The following ACSBG2 variants were observed in gnomAD, a reference collection of about 807,000 sequenced individuals.
ACSBG2 encodes acyl-CoA synthetase bubblegum family member 2, also known as long-chain-fatty-acid--CoA ligase ACSBG2.
In ACSBG2, 62 loss-of-function variants were observed where a neutral mutation model predicts 74.7. The ratio of observed to expected loss-of-function variants is 0.83; its 90% confidence interval spans 0.68 to 1.03. The LOEUF is 1.03. ACSBG2 is among the 50% of genes least tolerant of loss of function. The pLI is 0.00. For synonymous variants in ACSBG2, 309 were observed against 294.1 expected (o/e 1.05, Z -0.52); for missense variants, 730 against 817.6 (o/e 0.89, Z 1.31).
chr19:6,185,430 T>G lies in ACSBG2; in HGVS notation c.1323-6T>G. ...AGCCTGTTTCTCTGCTTCTGTCCCC[T>G]GGCAGCTGTGGCAAGATCTTGACTG... On this transcript the variant is annotated splice_region_variant and splice_polypyrimidine_tract_variant and intron_variant, in intron 10 of 14. Transcript: ENST00000588485. 3 of 1,614,044 alleles carry G rather than the reference T, an allele frequency of 1.9e-6. No individual in the cohort carries two copies. Among genetic ancestry groups the G allele is most frequent in the Non-Finnish European group, 8.5e-7 (1 of 1,179,986 alleles).
chr19:6,190,790 AACAC>A (rs767980382), intron 14 of ACSBG2, 98 bp downstream of exon 14: 1 of 557,686 alleles, frequency 1.8e-6, no homozygotes, highest in Non-Finnish European at 3.2e-6. Flanking sequence ...AACTGCAGAA[AACAC>A]ACACATACAC....
At chr19:6,187,002 G>GT (rs1011907904) in intron 11 of ACSBG2, among the ~76,000 whole-genome samples, 6,620 of 130,662 alleles carry the variant, frequency 0.051, 437 homozygotes, top group African/African-American at 0.14. Flanking sequence ...TGGCCACTAG[G>GT]TTTTTTTTTT....
At chr19:6,186,347 A>G (rs1600134794) in intron 11 of ACSBG2, among the ~76,000 whole-genome samples, 1 of 152,210 alleles carries the variant, frequency 6.6e-6, no homozygotes, top group Non-Finnish European at 1.5e-5. Flanking sequence ...GCCAATATGA[A>G]TATCATAATT....
Position 6,138,630 on chromosome 19 carries a change from A to G in ACSBG2, c.-32+2721A>G, listed in dbSNP as rs1304647871. Among the ~76,000 whole-genome samples the G allele has an allele frequency of 5.5e-4, 13 of 23,628 alleles. 1 individual carries two copies. Among genetic ancestry groups the G allele is most frequent in the African/African-American group, 1.8e-3 (12 of 6,780 alleles). 15.5% of individuals were successfully genotyped at this position (23,628 alleles called of 152,430 possible). A position where few individuals can be genotyped will look rare whatever the true frequency, so the allele number is the denominator to read the frequency against. On this transcript the variant is annotated intron_variant, in intron 1 of 14. Coordinates refer to ENST00000588485, the MANE Select transcript of ACSBG2 (RefSeq NM_030924.5). ...GAAGGAAGGAAGGAAGGGGAGGAAG[A>G]AAGAAAGGAAGGGAAGGGAAGAAGG... is the stretch of plus-strand genomic sequence containing the variant.
intron 5 of ACSBG2, chr19:6,160,762 A>G (rs182727099): frequency 2.4e-4 from 38 of 155,808 alleles, no homozygotes; most frequent in Admixed American, 2.4e-3. Flanking sequence ...ATTTGGAGTC[A>G]GTCAAGACCA....
rs1366362005 is a variant in ACSBG2, at chr19:6,192,963, A to G, written c.*331A>G. 1.3e-5 allele frequency: 2 copies of G among 152,156 alleles called. No homozygotes were observed. The highest frequency in any genetic ancestry group is 1.9e-4 in the East Asian group (1 of 5,198). 9.4% of individuals were successfully genotyped at this position (152,156 alleles called of 1,614,324 possible). ...GCTCCCATTTGATTTTTTTCTCCTC[A>G]GGGGACTCAGACATTAGAAAGAAAA... On this transcript the variant is annotated 3_prime_UTR_variant, in exon 15 of 15. Coordinates refer to ENST00000588485, the MANE Select transcript of ACSBG2 (RefSeq NM_030924.5).
intron 2 of ACSBG2, among the ~76,000 whole-genome samples, chr19:6,145,281 C>T (rs112809316): frequency 0.03 from 4,595 of 151,936 alleles, 208 homozygotes; most frequent in African/African-American, 0.1. Flanking sequence ...CTGTAATCCC[C>T]GCTACTTGAG....
intron 6 of ACSBG2, 21 bp downstream of exon 6, chr19:6,161,316 C>T (rs763714692): frequency 1.2e-6 from 2 of 1,603,748 alleles, no homozygotes; most frequent in African/African-American, 2.7e-5. Context: ...GAGGTGGGCA[C>T]TGGGGAAAGG....
At chr19:6,143,161 C>T (rs906939242) in intron 2 of ACSBG2, among the ~76,000 whole-genome samples, 4 of 152,072 alleles carry the variant, frequency 2.6e-5, no homozygotes, top group Admixed American at 2.0e-4. Context: ...TCTCATGCCT[C>T]GGCCACCCAA....
intron 6 of ACSBG2, among the ~76,000 whole-genome samples, chr19:6,163,121 AAATAATAAT>A (rs71917482): frequency 0.024 from 2,948 of 122,810 alleles, 95 homozygotes; most frequent in African/African-American, 0.069. Context: ...CTAAAAATAC[AAATAATAAT>A]AATAATAATA....
intron 3 of ACSBG2, chr19:6,148,245 G>T (rs1168869829): frequency 2.6e-5 from 4 of 156,036 alleles, no homozygotes; most frequent in Non-Finnish European, 5.7e-5. Flanking sequence ...ATGACTGGTT[G>T]TTGGCAGGAA....
rs956578735 is a variant in ACSBG2 at position 6,150,267 on chromosome 19, G to A, written c.298-1440G>A. Among the ~76,000 whole-genome samples the A allele has an allele frequency of 4.8e-5, 7 of 144,700 alleles. No homozygotes were observed. In the South Asian group the frequency reaches 6.5e-4, roughly 13 times the overall value. 94.9% of individuals were successfully genotyped at this position (144,700 alleles called of 152,430 possible). A position where few individuals can be genotyped will look rare whatever the true frequency, so the allele number is the denominator to read the frequency against. ...TGCCGCCACTGTGGAAAAGTCTGGC[G>A]ATTTCTAAAAAAAGAAAAAATGTAA... is the stretch of plus-strand genomic sequence containing the variant. On this transcript the variant is annotated intron_variant, in intron 3 of 14. Coordinates refer to ENST00000588485, the MANE Select transcript of ACSBG2 (RefSeq NM_030924.5).
chr19:6,187,697 T>C lies in ACSBG2; in HGVS notation c.1779T>C (p.Thr593=). The change falls in exon 13 of 15, where the codon ACT becomes ACC. Residue 593 remains threonine (T), a synonymous_variant. Coordinates refer to ENST00000588485, the MANE Select transcript of ACSBG2 (RefSeq NM_030924.5). The part of the protein sequence containing the change: ...RGLGSQASTV[T]EIVKQQDPLV... ...TGGGCAGCCAGGCATCCACCGTGAC[T>C]GAGATTGTGAAGCAGCAAGACCCCC... is the stretch of plus-strand genomic sequence containing the variant. 1.9e-6 allele frequency: 3 copies of C among 1,613,568 alleles called. No individual in the cohort carries two copies. Among genetic ancestry groups the C allele is most frequent in the Non-Finnish European group, 2.5e-6 (3 of 1,179,810 alleles).
In ACSBG2 at chr19:6,177,346, C is replaced by T; in HGVS notation, c.856C>T (p.Pro286Ser). The change falls in exon 8 of 15, where the codon CCC (proline) becomes TCC (serine). Residue 286 changes from proline to serine, a missense_variant. Physicochemically the swap from Pro to Ser is moderately conservative, Grantham distance 74. Coordinates refer to ENST00000588485, the MANE Select transcript of ACSBG2 (RefSeq NM_030924.5). ...IAAQMMDIWV[P>S]IKIGALTYFA... is the part of the protein sequence containing the mutation. ...AGCACAGATGATGGACATCTGGGTA[C>T]CCATAAAGATTGGGGCGCTCACATA... 6.2e-7 allele frequency: 1 copy of T among 1,612,090 alleles called. No homozygotes were observed. The highest frequency in any genetic ancestry group is 8.5e-7 in the Non-Finnish European group (1 of 1,179,332).
intron 1 of ACSBG2, among the ~76,000 whole-genome samples, chr19:6,136,378 C>G (rs1050493741): frequency 5.9e-5 from 9 of 152,142 alleles, no homozygotes; most frequent in African/African-American, 2.2e-4. Flanking sequence ...AGGCGTGAGC[C>G]GCCATACTCG....
At chr19:6,152,577 A>G (rs1389578342) in intron 4 of ACSBG2, among the ~76,000 whole-genome samples, 4 of 142,002 alleles carry the variant, frequency 2.8e-5, no homozygotes, top group African/African-American at 1.1e-4. Flanking sequence ...TTTTGTAGAG[A>G]TGGTTTCTTG....
chr19:6,139,254 AT>A (rs564260024), intron 1 of ACSBG2, among the ~76,000 whole-genome samples: 17 of 151,504 alleles, frequency 1.1e-4, no homozygotes, highest in Non-Finnish European at 1.0e-4. Flanking sequence ...TGCCTGGCTA[AT>A]TTTTTTTGTA....
intron 6 of ACSBG2, among the ~76,000 whole-genome samples, chr19:6,164,434 CTT>C (rs542313082): frequency 9.7e-5 from 13 of 133,770 alleles, no homozygotes; most frequent in Admixed American, 1.5e-4. Context: ...TTTGAGGGGC[CTT>C]TTTTTTTTTT....
At chr19:6,176,393 C>T in intron 7 of ACSBG2, 1 of 1,522,290 alleles carries the variant, frequency 6.6e-7, no homozygotes, top group Non-Finnish European at 8.8e-7. Flanking sequence ...CCATCTCATG[C>T]TTGTCTGTCA....
Sources: allele counts gnomAD v4.1 joint callset (sites outside exome capture counted in the v4.1 genomes callset), GRCh38; gene constraint gnomAD v4.1.1; transcripts MANE v1.5; gene names NCBI Gene and HGNC (gene_info 2026-07-23, HGNC 2026-07-21).